Variants in PTPRT observed in about 807,000 individuals in gnomAD.
PTPRT encodes protein tyrosine phosphatase receptor type T.
In PTPRT, 56 loss-of-function variants were observed where a neutral mutation model predicts 176.8. That is an observed-to-expected ratio of 0.32 (90% CI 0.26 to 0.40). The LOEUF is 0.40. PTPRT is among the 10% of genes least tolerant of loss of function. PTPRT has a pLI of 1.00. For missense variants in PTPRT, 1,540 were observed against 1,908.2 expected (o/e 0.81, Z 3.60); for synonymous variants, 783 against 739.0 (o/e 1.06, Z -0.96).
the PTPRT span, among the ~76,000 whole-genome samples, chr20:42,038,358 AC>A: frequency 6.6e-6 from 1 of 152,186 alleles, no homozygotes; most frequent in Non-Finnish European, 1.5e-5. Flanking sequence ...CCCAAGTTAT[AC>A]CCCAGACTGT....
chr20:42,706,406 T>G (rs1219707273), intron 6 of PTPRT, among the ~76,000 whole-genome samples: 2 of 152,058 alleles, frequency 1.3e-5, no homozygotes, highest in Non-Finnish European at 2.9e-5. Context: ...CATCTGGAGT[T>G]TGTATTTTTT....
chr20:42,382,815 C>T (rs1245841662), intron 9 of PTPRT, among the ~76,000 whole-genome samples: 1 of 152,090 alleles, frequency 6.6e-6, no homozygotes, highest in African/African-American at 2.4e-5. Context: ...ATAAATGGTG[C>T]CACCCATAGG....
intron 9 of PTPRT, among the ~76,000 whole-genome samples, chr20:42,404,985 TATAC>T (rs992763785): frequency 2.8e-5 from 4 of 142,922 alleles, no homozygotes; most frequent in Admixed American, 1.4e-4. Flanking sequence ...TATATATATA[TATAC>T]ACACACACAC....
At chr20:42,274,592 T>TGTATGTGTGTGTG (rs2056997091) in intron 13 of PTPRT, among the ~76,000 whole-genome samples, 1 of 138,170 alleles carries the variant, frequency 7.2e-6, no homozygotes, top group African/African-American at 2.6e-5. Context: ...TGTGTGTGTG[T>TGTATGTGTGTGTG]TAGCCTGCAA....
chr20:42,102,276 G>A lies in PTPRT; in HGVS notation c.3562C>T (p.Arg1188Cys), dbSNP rs765075213. 6.8e-6 allele frequency: 11 copies of A among 1,613,950 alleles called. No homozygotes were observed. Among genetic ancestry groups the A allele is most frequent in the African/African-American group, 5.3e-5 (4 of 74,922 alleles). ...ATGCTGCAGTCCTCGGGCCGCACAC[G>A]GGGTGTCACAATGTTGAGGGTCTGT... ...EFQTLNIVTP[R>C]VRPEDCSIGL... The change falls in exon 26 of 31, where the codon CGT becomes TGT. Residue 1188 changes from arginine (R) to cysteine (C), a missense_variant. Transcript: ENST00000373187.
intron 1 of PTPRT, among the ~76,000 whole-genome samples, chr20:42,894,579 T>G (rs1229864386): frequency 6.6e-6 from 1 of 152,040 alleles, no homozygotes; most frequent in African/African-American, 2.4e-5. Context: ...AAAGCGTGGC[T>G]TTGAACCCAG....
At chr20:43,048,081 C>G (rs1057217930) in intron 1 of PTPRT, among the ~76,000 whole-genome samples, 1 of 152,024 alleles carries the variant, frequency 6.6e-6, no homozygotes, top group African/African-American at 2.4e-5. Context: ...CATGGGAGTA[C>G]AAAGGTGGGG....
At chr20:43,138,141 G>T (rs528918085) in intron 1 of PTPRT, among the ~76,000 whole-genome samples, 1 of 152,220 alleles carries the variant, frequency 6.6e-6, no homozygotes, top group South Asian at 2.1e-4. Flanking sequence ...TGCTGAGTGG[G>T]CACTGGCAAG....
At chr20:43,174,818 A>G (rs1200734668) in intron 1 of PTPRT, among the ~76,000 whole-genome samples, 1 of 152,246 alleles carries the variant, frequency 6.6e-6, no homozygotes, top group Non-Finnish European at 1.5e-5. Flanking sequence ...CAACCAAACC[A>G]TGAGTAGTGT....
Position 42,789,763 on chromosome 20 carries a change from A to G in PTPRT, c.486+1432T>C, listed in dbSNP as rs191878623. ...ATTGAAATATGTATGGCAAAAATCC[A>G]GTCTAAATATTGAGGGTAATTGAGT... On this transcript the variant is annotated intron_variant, in intron 3 of 30. Coordinates refer to ENST00000373187, the MANE Select transcript of PTPRT (RefSeq NM_007050.6). Among the ~76,000 whole-genome samples, 462 of 152,336 alleles carry G rather than the reference A, an allele frequency of 3.0e-3. 4 individuals are homozygous for G. Among genetic ancestry groups the G allele is most frequent in the African/African-American group, 0.011 (450 of 41,578 alleles).
At chr20:42,095,157 G>A (rs1313300822) in intron 27 of PTPRT, among the ~76,000 whole-genome samples, 1 of 152,118 alleles carries the variant, frequency 6.6e-6, no homozygotes, top group African/African-American at 2.4e-5. Flanking sequence ...TCTCTTGTCT[G>A]TTCTCTCTGC....
chr20:42,482,138 G>A (rs2071398664), intron 7 of PTPRT, among the ~76,000 whole-genome samples: 2 of 152,330 alleles, frequency 1.3e-5, no homozygotes, highest in East Asian at 3.9e-4. Context: ...GGGGAAGAGT[G>A]TGTATAGAAG....
intron 15 of PTPRT, among the ~76,000 whole-genome samples, chr20:42,223,971 A>T (rs925214442): frequency 5.9e-5 from 9 of 152,222 alleles, no homozygotes; most frequent in Non-Finnish European, 7.3e-5. Flanking sequence ...TTTCATTAAA[A>T]ACAGGGTTTT....
intron 27 of PTPRT, among the ~76,000 whole-genome samples, chr20:42,089,032 C>T (rs143999675): frequency 9.2e-5 from 14 of 152,292 alleles, no homozygotes; most frequent in African/African-American, 2.2e-4. Context: ...AGCTTCAGAA[C>T]GCAATGATGC....
chr20:42,633,818 T>TATATATATATATATATATATATATAA (rs1491342115), intron 7 of PTPRT, among the ~76,000 whole-genome samples: 4 of 57,726 alleles, frequency 6.9e-5, no homozygotes, highest in African/African-American at 3.2e-4. Context: ...TATATATATA[T>TATATATATATATATATATATATATAA]AATAAAATAT....
At chr20:42,365,283 G>A (rs762290077) in intron 9 of PTPRT, among the ~76,000 whole-genome samples, 5 of 152,084 alleles carry the variant, frequency 3.3e-5, no homozygotes, top group Non-Finnish European at 5.9e-5. Context: ...CTAGACCAGG[G>A]TTTCTCAATC....
intron 1 of PTPRT, among the ~76,000 whole-genome samples, chr20:43,013,266 G>A (rs779824058): frequency 3.9e-5 from 6 of 151,962 alleles, no homozygotes; most frequent in Non-Finnish European, 5.9e-5. Flanking sequence ...GTGTGGATTC[G>A]CCTAAATGAC....
chr20:42,346,744 G>C (rs1293536313), intron 11 of PTPRT, among the ~76,000 whole-genome samples: 1 of 152,216 alleles, frequency 6.6e-6, no homozygotes. Flanking sequence ...GGCTCAGCCA[G>C]GGTTGGAGCA....
At chr20:42,508,299 T>G (rs1412733883) in intron 7 of PTPRT, among the ~76,000 whole-genome samples, 7 of 152,028 alleles carry the variant, frequency 4.6e-5, no homozygotes, top group Non-Finnish European at 1.0e-4. Flanking sequence ...AATTCTAAGC[T>G]GTGGATTTTA....
Sources: allele counts gnomAD v4.1 joint callset (sites outside exome capture counted in the v4.1 genomes callset), GRCh38; gene constraint gnomAD v4.1.1; transcripts MANE v1.5; gene names NCBI Gene and HGNC (gene_info 2026-07-23, HGNC 2026-07-21).